The following SLCO3A1 variants were observed in gnomAD, a reference collection of about 807,000 sequenced individuals.
SLCO3A1 encodes the protein PGE1 transporter.
Under a neutral mutation model 63.1 loss-of-function variants are expected in SLCO3A1, and 27 were observed. The ratio of observed to expected loss-of-function variants is 0.43; its 90% CI spans 0.32 to 0.59. SLCO3A1 has a LOEUF of 0.59. Among genes scored for constraint, SLCO3A1 ranks in the 20% least tolerant of loss-of-function variants. The probability of loss-of-function intolerance (pLI) is 0.09; values close to 1 mark genes in which losing one functional copy is unlikely to be tolerated. For missense variants in SLCO3A1, 773 were observed against 945.8 expected (o/e 0.82, Z 2.40); for synonymous variants, 473 against 409.9 (o/e 1.15, Z -1.86).
chr15:91,867,068 C>T (rs1441510838), intron 1 of SLCO3A1, among the ~76,000 whole-genome samples: 3 of 152,164 alleles, frequency 2.0e-5, no homozygotes, highest in African/African-American at 7.2e-5. Flanking sequence ...AACCCAGGGC[C>T]ACAGCCGGGC....
intron 7 of SLCO3A1, among the ~76,000 whole-genome samples, chr15:92,145,388 C>T (rs1159982578): frequency 6.6e-6 from 1 of 151,292 alleles, no homozygotes; most frequent in African/African-American, 2.4e-5. Flanking sequence ...GAGGAAGGTT[C>T]GTTCTCATGT....
At chr15:92,061,911 A>G (rs1368887252) in intron 2 of SLCO3A1, among the ~76,000 whole-genome samples, 1 of 152,222 alleles carries the variant, frequency 6.6e-6, no homozygotes, top group East Asian at 1.9e-4. Context: ...TCTGGGTGAT[A>G]CAGGGCAAGA....
At chr15:91,946,664 A>C (rs1217359970) in intron 2 of SLCO3A1, among the ~76,000 whole-genome samples, 3 of 152,238 alleles carry the variant, frequency 2.0e-5, no homozygotes, top group African/African-American at 2.4e-5. Context: ...CTTAAGGAGA[A>C]GGACTTGGGA....
At chr15:91,971,567 C>G (rs577317954) in intron 2 of SLCO3A1, among the ~76,000 whole-genome samples, 2 of 151,756 alleles carry the variant, frequency 1.3e-5, no homozygotes, top group Admixed American at 1.3e-4. Flanking sequence ...GTCTAGTGTT[C>G]CTAAGCACAG....
At chr15:92,083,756 G>T (rs1264341247) in intron 2 of SLCO3A1, among the ~76,000 whole-genome samples, 1 of 152,176 alleles carries the variant, frequency 6.6e-6, no homozygotes, top group African/African-American at 2.4e-5. Flanking sequence ...GATTTGTGCT[G>T]TCATCTTTGT....
At chr15:92,142,178 C>T (rs2048142995) in intron 7 of SLCO3A1, among the ~76,000 whole-genome samples, 1 of 152,240 alleles carries the variant, frequency 6.6e-6, no homozygotes, top group Non-Finnish European at 1.5e-5. Context: ...TTTCATTGGT[C>T]TTGTGCCGGT....
intron 2 of SLCO3A1, among the ~76,000 whole-genome samples, chr15:91,965,536 C>T (rs1302610061): frequency 2.6e-5 from 4 of 152,214 alleles, no homozygotes; most frequent in Non-Finnish European, 5.9e-5. Flanking sequence ...CCACCCCACC[C>T]CCTAACTTCC....
chr15:92,124,946 G>A (rs1274196424), intron 5 of SLCO3A1, among the ~76,000 whole-genome samples: 1 of 152,108 alleles, frequency 6.6e-6, no homozygotes. Context: ...TGCAGGATGA[G>A]GATAAAGAGG....
Position 91,968,544 on chromosome 15 carries a change from C to T in SLCO3A1, c.646+52086C>T, listed in dbSNP as rs1053269639. 6.6e-6 allele frequency among the ~76,000 whole-genome samples: 1 copy of T among 152,044 alleles called. No homozygotes were observed. Among genetic ancestry groups the T allele is most frequent in the African/African-American group, 2.4e-5 (1 of 41,392 alleles). ...GGGCTCCACAAACCACCGTGGGGAC[C>T]AGTGGCATCAAATTCTGGTGCTAAC... On this transcript the variant is annotated intron_variant, in intron 2 of 9. Transcript: ENST00000318445. This position sits in a 1 kb window ranked among gnomAD's most constrained non-coding sequence, Gnocchi z 4.2.
At chr15:91,870,714 C>CT (rs71156616) in intron 1 of SLCO3A1, among the ~76,000 whole-genome samples, 5 of 152,142 alleles carry the variant, frequency 3.3e-5, no homozygotes, top group Non-Finnish European at 2.9e-5. Context: ...ACTTGAATCC[C>CT]TTTTTTTTAT....
At position 92,120,598 on chromosome 15, in the gene SLCO3A1, C is replaced by T. The variant is rs760431751; in HGVS notation, c.1143C>T (p.Asn381=). The stretch of plus-strand genomic sequence containing the variant: ...GGAAGTACCTGGAGCAGCAGTTTAA[C>T]CTCACCACCTCTTCTGCCAACCAGC... ...FLGKYLEQQF[N]LTTSSANQLL... The change falls in exon 5 of 10, where the codon AAC becomes AAT. Residue 381 remains asparagine (N), a synonymous_variant. Coordinates refer to ENST00000318445, the MANE Select transcript of SLCO3A1 (RefSeq NM_013272.4). 1 of 1,613,878 alleles carries T rather than the reference C, an allele frequency of 6.2e-7. No individual in the cohort carries two copies. The highest frequency in any genetic ancestry group is 2.2e-5 in the East Asian group (1 of 44,834).
At chr15:92,156,442 C>T (rs980261238) in intron 9 of SLCO3A1, among the ~76,000 whole-genome samples, 57 of 152,220 alleles carry the variant, frequency 3.7e-4, no homozygotes, top group African/African-American at 1.4e-3. Flanking sequence ...ACCATGGGCC[C>T]TCTAAAGTCA....
At chr15:91,911,526 A>T (rs993722185) in intron 1 of SLCO3A1, among the ~76,000 whole-genome samples, 1 of 152,182 alleles carries the variant, frequency 6.6e-6, no homozygotes, top group African/African-American at 2.4e-5. Context: ...GATGGTGAGT[A>T]TGTGCCTGGT....
intron 2 of SLCO3A1, among the ~76,000 whole-genome samples, chr15:91,946,895 A>C (rs1223930726): frequency 1.3e-5 from 2 of 152,168 alleles, no homozygotes; most frequent in African/African-American, 2.4e-5. Context: ...GCCATTGTGG[A>C]ATGGCAAAGG....
chr15:91,863,819 G>A lies in SLCO3A1; in HGVS notation c.180+9731G>A, dbSNP rs982988659. 2.0e-5 allele frequency among the ~76,000 whole-genome samples: 3 copies of A among 152,174 alleles called. No homozygotes were observed. Among genetic ancestry groups the A allele is most frequent in the South Asian group, 2.1e-4 (1 of 4,834 alleles). On this transcript the variant is annotated intron_variant, in intron 1 of 9. Transcript: ENST00000318445. This position sits in a 1 kb window ranked among gnomAD's most constrained non-coding sequence, Gnocchi z 4.3. ...GACTTATTGTGTGGCATGTCGTGTC[G>A]CCTCCCCAGTGCTGGTACATACTTT...
chr15:91,863,356 G>A lies in SLCO3A1; in HGVS notation c.180+9268G>A, dbSNP rs944090279. 9.8e-5 allele frequency among the ~76,000 whole-genome samples: 15 copies of A among 152,352 alleles called. No individual in the cohort carries two copies. The highest frequency in any genetic ancestry group is 7.8e-4 in the Admixed American group (12 of 15,312). ...GTCTGTGGTCACTGTAGCTTTCAGG[G>A]TGGTGGAGGGCAGGGCCCCCTTAAG... On this transcript the variant is annotated intron_variant, in intron 1 of 9. Transcript: ENST00000318445. The surrounding 1 kb of genome is among the most constrained non-coding windows in gnomAD (Gnocchi z 4.3).
intron 6 of SLCO3A1, 133 bp downstream of exon 6, chr15:92,126,392 A>C: frequency 1.4e-6 from 1 of 691,014 alleles, no homozygotes; most frequent in South Asian, 1.8e-5. Flanking sequence ...TCTGCATCTT[A>C]CTGTCCACGT....
chr15:92,163,516 A>G lies in SLCO3A1; in HGVS notation c.*381A>G, dbSNP rs1001151080. 1.0e-6 allele frequency: 1 copy of G among 990,856 alleles called. No homozygotes were observed. Among genetic ancestry groups the G allele is most frequent in the African/African-American group, 1.8e-5 (1 of 56,612 alleles). 61.4% of individuals were successfully genotyped at this position (990,856 alleles called of 1,614,324 possible). On this transcript the variant is annotated 3_prime_UTR_variant, in exon 10 of 10. Coordinates refer to ENST00000318445, the MANE Select transcript of SLCO3A1 (RefSeq NM_013272.4). ...GGATACACATACACATACAAAACAG[A>G]AAACATTTTTTAAAAGAAGTTTCCT...
At chr15:92,059,171 AC>A (rs1178158141) in intron 2 of SLCO3A1, among the ~76,000 whole-genome samples, 1 of 152,080 alleles carries the variant, frequency 6.6e-6, no homozygotes. Flanking sequence ...ACCCTCTCTT[AC>A]CAAGTAGATC....
Sources: allele counts gnomAD v4.1 joint callset (sites outside exome capture counted in the v4.1 genomes callset), GRCh38; gene constraint gnomAD v4.1.1; non-coding constraint Gnocchi (gnomAD v3.1); transcripts MANE v1.5; gene names NCBI Gene and HGNC (gene_info 2026-07-23, HGNC 2026-07-21).